The following TDRD1 variants were observed in gnomAD, a reference collection of about 807,000 sequenced individuals.
The protein encoded by TDRD1 is tudor domain-containing protein 1.
TDRD1 carries 37 observed loss-of-function variants against 140.6 expected under a neutral mutation model. The ratio of observed to expected loss-of-function variants is 0.26; its 90% CI spans 0.20 to 0.35. TDRD1 has a LOEUF of 0.35. Ranked by LOEUF, TDRD1 falls within the 10% of genes least tolerant of loss-of-function variation. The pLI is 1.00. For missense variants in TDRD1, 1,243 were observed against 1,393.0 expected (o/e 0.89, Z 1.71); for synonymous variants, 506 against 475.7 (o/e 1.06, Z -0.83).
intron 11 of TDRD1, among the ~76,000 whole-genome samples, chr10:114,210,148 T>C (rs2035389554): frequency 6.6e-6 from 1 of 152,368 alleles, no homozygotes; most frequent in Non-Finnish European, 1.5e-5. Context: ...ATTTTAAATT[T>C]CTAATTATTT....
At chr10:114,205,864 G>A (rs1022371042) in intron 10 of TDRD1, among the ~76,000 whole-genome samples, 3 of 152,202 alleles carry the variant, frequency 2.0e-5, no homozygotes, top group African/African-American at 7.2e-5. Context: ...AACTTAGACT[G>A]TAATTGGATG....
chr10:114,201,156 G>A (rs767159279), intron 4 of TDRD1, among the ~76,000 whole-genome samples: 1 of 151,978 alleles, frequency 6.6e-6, no homozygotes, highest in Non-Finnish European at 1.5e-5. Flanking sequence ...GCACCTGGCC[G>A]CTTGCTGCTT....
rs191179461 is a variant in TDRD1 at position 114,186,183 on chromosome 10, A to C, written c.-6-1643A>C. 8.5e-3 allele frequency among the ~76,000 whole-genome samples: 1,266 copies of C among 149,050 alleles called. 20 individuals carry two copies. Among genetic ancestry groups the C allele is most frequent in the African/African-American group, 0.032 (1,221 of 38,544 alleles). On this transcript the variant is annotated intron_variant, in intron 1 of 25. Transcript: ENST00000251864. ...CTGTTTGTCTGGGAGTTACTCTAAT[A>C]TTTTAATGCACATTCTTTGTATTTC...
rs569462600 is a variant in TDRD1, at chr10:114,221,550, C to T, written c.2890+74C>T. On this transcript the variant is annotated intron_variant, in intron 20 of 25. Transcript: ENST00000251864. Reference sequence around the variant, plus strand: ...AAAACGAAAGTGCTGGTCTTGAATTCCTTTGGGAATGAAGGGGAGAAAGAG... The same window carrying T: ...AAAACGAAAGTGCTGGTCTTGAATTTCTTTGGGAATGAAGGGGAGAAAGAG... 68 of 1,423,834 alleles carry T rather than the reference C, an allele frequency of 4.8e-5. 2 individuals carry two copies. In the South Asian group the frequency reaches 7.6e-4, roughly 16 times the overall value. 88.2% of individuals were successfully genotyped at this position (1,423,834 alleles called of 1,614,324 possible). A position where few individuals can be genotyped will look rare whatever the true frequency, so the allele number is the denominator to read the frequency against.
At chr10:114,202,341 A>G in intron 6 of TDRD1, 43 bp downstream of exon 6, 5 of 1,338,196 alleles carry the variant, frequency 3.7e-6, no homozygotes, top group Non-Finnish European at 5.2e-6. Context: ...ACTCCTCTTT[A>G]TTGAATTAAG....
exon 15 of TDRD1, chr10:114,213,504 A>G (rs1258724985): frequency 6.2e-7 from 1 of 1,613,888 alleles, no homozygotes; most frequent in East Asian, 2.2e-5. Flanking sequence ...TGTCAGTGTT[A>G]GCAAAGTTCT....
At chr10:114,187,505 G>A (rs12268028) in intron 1 of TDRD1, among the ~76,000 whole-genome samples, 10,150 of 152,274 alleles carry the variant, frequency 0.067, 361 homozygotes, top group Non-Finnish European at 0.08. Context: ...TTTAGGTTGG[G>A]AATATTTTAA....
At position 114,188,169 on chromosome 10, in the gene TDRD1, C is replaced by T. The variant is rs2033681376; in HGVS notation, c.325+13C>T. On this transcript the variant is annotated intron_variant, in intron 2 of 25. Coordinates refer to ENST00000251864, the Ensembl canonical transcript of TDRD1. ...AAATTGCCAGCAGGTGAGTGAAAACCACAGGCTTCCTACTTCTTCATTCTC... is the reference window on the plus strand; with the variant it reads ...AAATTGCCAGCAGGTGAGTGAAAACTACAGGCTTCCTACTTCTTCATTCTC... 7 of 1,553,142 alleles carry T rather than the reference C, an allele frequency of 4.5e-6. No homozygotes were observed. The highest frequency in any genetic ancestry group is 6.1e-6 in the Non-Finnish European group (7 of 1,153,802).
intron 15 of TDRD1, 98 bp downstream of exon 15, chr10:114,213,686 GCC>G: frequency 9.2e-7 from 1 of 1,086,646 alleles, no homozygotes; most frequent in Non-Finnish European, 1.3e-6. Flanking sequence ...TATGTTGAAT[GCC>G]TTTCATCTTT....
At chr10:114,187,701 G>C (rs1338846921) in intron 1 of TDRD1, 125 bp from the exon 2 acceptor site, 1 of 869,316 alleles carries the variant, frequency 1.2e-6, no homozygotes, top group Non-Finnish European at 1.7e-6. Context: ...GGTTATATCT[G>C]CTTTGGAATT....
chr10:114,200,269 T>A (rs2034641230), intron 4 of TDRD1, among the ~76,000 whole-genome samples: 2 of 152,232 alleles, frequency 1.3e-5, no homozygotes, highest in African/African-American at 4.8e-5. Context: ...TTGAGCAGTT[T>A]TTTCTGTTTA....
exon 22 of TDRD1, chr10:114,226,055 A>G (rs749622954): frequency 1.2e-6 from 2 of 1,613,696 alleles, no homozygotes; most frequent in South Asian, 1.1e-5. Flanking sequence ...TCAGGTGATG[A>G]TTTTTGGTAT....
chr10:114,227,415 A>G, intron 23 of TDRD1, 116 bp downstream of exon 23: 2 of 772,448 alleles, frequency 2.6e-6, no homozygotes, highest in Non-Finnish European at 4.3e-6. Context: ...CTCCTCCTCC[A>G]CAAATCCAGT....
upstream of TDRD1, among the ~76,000 whole-genome samples, chr10:114,175,602 C>T (rs1383157840): frequency 6.6e-6 from 1 of 152,096 alleles, no homozygotes; most frequent in Non-Finnish European, 1.5e-5. Flanking sequence ...CTTGGCTTCT[C>T]TTGGAGGTTA....
In TDRD1 at chr10:114,203,365, C is replaced by T. The variant is rs1215858147; in HGVS notation, c.802-23C>T. ...TCCTTGTGTGCCTTATGAATTATTC[C>T]TCTTTTTTTTTATCTTTGAAAGGGT... On this transcript the variant is annotated intron_variant, in intron 7 of 25. Transcript: ENST00000251864. 5 of 1,552,314 alleles carry T rather than the reference C, an allele frequency of 3.2e-6. No individual in the cohort carries two copies. The African/African-American group carries it at 5.9e-5, about 18-fold the overall frequency.
intron 1 of TDRD1, among the ~76,000 whole-genome samples, chr10:114,186,447 G>T (rs2033532999): frequency 6.6e-6 from 1 of 152,050 alleles, no homozygotes; most frequent in Admixed American, 6.5e-5. Flanking sequence ...TGTATTTTTA[G>T]TAGAGACGGG....
intron 22 of TDRD1, 24 bp downstream of exon 22, chr10:114,226,240 A>G (rs974490089): frequency 7.7e-6 from 12 of 1,566,188 alleles, no homozygotes; most frequent in Admixed American, 5.9e-5. Context: ...TCACTTTCCA[A>G]TTTAGGTTTC....
intron 13 of TDRD1, 134 bp from the exon 14 acceptor site, chr10:114,211,732 T>A (rs2035495993): frequency 1.2e-6 from 1 of 860,370 alleles, no homozygotes; most frequent in East Asian, 3.1e-5. Flanking sequence ...GCAAAATTAG[T>A]AAACATTGTT....
At chr10:114,197,956 T>C (rs1049965003) in intron 3 of TDRD1, among the ~76,000 whole-genome samples, 2 of 152,128 alleles carry the variant, frequency 1.3e-5, no homozygotes, top group Admixed American at 6.5e-5. Flanking sequence ...ACACCCAGTC[T>C]CTGTATCGTA....
Sources: gnomAD v4.1 joint callset for allele counts (sites outside exome capture counted in the v4.1 genomes callset) on GRCh38, gnomAD v4.1.1 for gene constraint, MANE v1.5 for transcripts, NCBI Gene and HGNC (gene_info 2026-07-23, HGNC 2026-07-21) for gene names.